The following GRIK2 variants were observed in gnomAD, a reference collection of about 807,000 sequenced individuals.
GRIK2 encodes glutamate receptor ionotropic, kainate 2.
Under a neutral mutation model 100.3 loss-of-function variants are expected in GRIK2, and 32 were observed. The observed-to-expected ratio is 0.32, with a 90% CI of 0.24 to 0.43. The LOEUF (loss-of-function observed/expected upper bound fraction) is 0.43, where lower values mean the gene tolerates loss of function less well. Ranked by LOEUF, GRIK2 falls within the 20% of genes least tolerant of loss-of-function variation. The probability of loss-of-function intolerance (pLI) is 1.00; values close to 1 mark genes in which losing one functional copy is unlikely to be tolerated. For missense variants in GRIK2, 843 were observed against 1,114.9 expected (o/e 0.76, Z 3.47); for synonymous variants, 417 against 389.4 (o/e 1.07, Z -0.83).
chr6:101,979,411 G>A (rs186924732), intron 14 of GRIK2, among the ~76,000 whole-genome samples: 12 of 152,090 alleles, frequency 7.9e-5, no homozygotes, highest in African/African-American at 2.9e-4. Flanking sequence ...GGATGGTGGA[G>A]GAAGCACCAC....
chr6:101,842,973 G>C (rs1465170), intron 10 of GRIK2, among the ~76,000 whole-genome samples: 1 of 152,046 alleles, frequency 6.6e-6, no homozygotes, highest in East Asian at 1.9e-4. Flanking sequence ...CAAACAAAAT[G>C]TTCAGTGAAT....
chr6:101,601,478 T>C (rs1034353760), intron 2 of GRIK2, among the ~76,000 whole-genome samples: 4 of 151,990 alleles, frequency 2.6e-5, no homozygotes, highest in Non-Finnish European at 5.9e-5. Context: ...TCCCTCCTTC[T>C]TGATGTTTTG....
intron 14 of GRIK2, among the ~76,000 whole-genome samples, chr6:101,967,720 G>T (rs1377282023): frequency 6.6e-6 from 1 of 152,010 alleles, no homozygotes; most frequent in Admixed American, 6.6e-5. Flanking sequence ...ACGCAAACAG[G>T]TAAACAAACA....
At chr6:101,630,852 T>C (rs1780706693) in intron 4 of GRIK2, among the ~76,000 whole-genome samples, 1 of 152,118 alleles carries the variant, frequency 6.6e-6, no homozygotes, top group African/African-American at 2.4e-5. Context: ...ATGTGCTTTT[T>C]TTTTTACATA....
chr6:101,781,009 G>T (rs934481552), intron 7 of GRIK2, among the ~76,000 whole-genome samples: 2 of 152,132 alleles, frequency 1.3e-5, no homozygotes, highest in African/African-American at 4.8e-5. Context: ...ACTAATGTTT[G>T]CATCCTGCTC....
At chr6:101,551,575 T>A (rs1051029093) in intron 2 of GRIK2, among the ~76,000 whole-genome samples, 1 of 152,146 alleles carries the variant, frequency 6.6e-6, no homozygotes, top group East Asian at 1.9e-4. Context: ...TTTTCATTGA[T>A]TTATTTAATA....
chr6:101,579,822 A>G (rs1777982244), intron 2 of GRIK2, among the ~76,000 whole-genome samples: 1 of 150,776 alleles, frequency 6.6e-6, no homozygotes, highest in African/African-American at 2.4e-5. Flanking sequence ...CTGAACTCCA[A>G]CCTGGCAACA....
intron 2 of GRIK2, among the ~76,000 whole-genome samples, chr6:101,579,063 G>T (rs955048052): frequency 6.6e-6 from 1 of 152,046 alleles, no homozygotes; most frequent in African/African-American, 2.4e-5. Context: ...TAGGTTATAT[G>T]TGTGTACTTA....
intron 2 of GRIK2, among the ~76,000 whole-genome samples, chr6:101,573,671 C>T (rs1777660261): frequency 6.6e-6 from 1 of 152,054 alleles, no homozygotes; most frequent in South Asian, 2.1e-4. Context: ...AATCTGACTC[C>T]TTCATTTTAT....
intron 14 of GRIK2, among the ~76,000 whole-genome samples, chr6:101,932,339 C>T (rs1384592825): frequency 2.0e-5 from 3 of 151,992 alleles, no homozygotes; most frequent in African/African-American, 4.8e-5. Context: ...AAAATGTAAG[C>T]TCCATCCAAA....
intron 4 of GRIK2, among the ~76,000 whole-genome samples, chr6:101,643,355 T>A (rs1481558040): frequency 6.6e-6 from 1 of 151,700 alleles, no homozygotes; most frequent in African/African-American, 2.4e-5. Context: ...TTTTAGATCT[T>A]ACATTTAGGT....
chr6:102,049,417 A>G (rs368716097), intron 15 of GRIK2, among the ~76,000 whole-genome samples: 15 of 152,270 alleles, frequency 9.9e-5, no homozygotes, highest in African/African-American at 3.6e-4. Flanking sequence ...AGCCATACAA[A>G]TTGAATTTAA....
chr6:101,495,216 C>A (rs963309066), intron 2 of GRIK2, among the ~76,000 whole-genome samples: 4 of 151,236 alleles, frequency 2.6e-5, no homozygotes, highest in Non-Finnish European at 4.4e-5. Context: ...CTTTAAGTTG[C>A]AGATAAAGGC....
chr6:101,657,437 C>T (rs955292393), intron 4 of GRIK2, among the ~76,000 whole-genome samples: 3 of 152,114 alleles, frequency 2.0e-5, no homozygotes, highest in Non-Finnish European at 2.9e-5. Flanking sequence ...TTATAAATTA[C>T]GCAGTCTTGG....
intron 14 of GRIK2, among the ~76,000 whole-genome samples, chr6:101,934,483 T>A (rs749467507): frequency 6.6e-6 from 1 of 151,896 alleles, no homozygotes; most frequent in Non-Finnish European, 1.5e-5. Flanking sequence ...AGTATATGTT[T>A]TGAAGTCTGA....
chr6:101,582,568 C>T (rs1778153792), intron 2 of GRIK2, among the ~76,000 whole-genome samples: 2 of 152,100 alleles, frequency 1.3e-5, no homozygotes, highest in Non-Finnish European at 2.9e-5. Context: ...ATAAATTATG[C>T]AGCCTCAGGC....
intron 7 of GRIK2, among the ~76,000 whole-genome samples, chr6:101,726,390 C>G (rs1160887348): frequency 6.6e-6 from 1 of 151,940 alleles, no homozygotes; most frequent in Non-Finnish European, 1.5e-5. Context: ...TTTTAAAACG[C>G]TTAAAGAGAA....
intron 2 of GRIK2, among the ~76,000 whole-genome samples, chr6:101,607,165 G>C (rs1291330873): frequency 1.3e-5 from 2 of 152,062 alleles, no homozygotes; most frequent in East Asian, 3.9e-4. Flanking sequence ...ATCCATTCTT[G>C]AAAGTTGGGT....
intron 11 of GRIK2, among the ~76,000 whole-genome samples, chr6:101,874,128 C>A (rs1040445515): frequency 7.9e-5 from 12 of 151,932 alleles, no homozygotes; most frequent in African/African-American, 2.7e-4. Context: ...ATTTTGGCTT[C>A]TGTTGCCATT....
Sources: gnomAD v4.1 joint callset for allele counts (sites outside exome capture counted in the v4.1 genomes callset) on GRCh38, gnomAD v4.1.1 for gene constraint, MANE v1.5 for transcripts, NCBI Gene and HGNC (gene_info 2026-07-23, HGNC 2026-07-21) for gene names.